SLC39A14: variants seen among roughly 807,000 people sequenced by gnomAD.
The protein encoded by SLC39A14 is metal cation symporter ZIP14.
SLC39A14 carries 19 observed loss-of-function variants against 45.5 expected under a neutral mutation model. The observed-to-expected ratio is 0.42, with a 90% CI of 0.29 to 0.61. The LOEUF (loss-of-function observed/expected upper bound fraction) is 0.61. SLC39A14 is among the 20% of genes least tolerant of loss of function. The pLI is 0.22. For synonymous variants in SLC39A14, 264 were observed against 251.3 expected (o/e 1.05, Z -0.48); for missense variants, 447 against 616.5 (o/e 0.73, Z 2.91).
At chr8:22,418,723 G>T (rs1836039689) in intron 8 of SLC39A14, among the ~76,000 whole-genome samples, 1 of 152,050 alleles carries the variant, frequency 6.6e-6, no homozygotes, top group Admixed American at 6.6e-5. Flanking sequence ...ATAGAATGGG[G>T]TCTCTATGCT....
At chr8:22,398,688 G>C (rs1287415612) in intron 1 of SLC39A14, 1 of 984,286 alleles carries the variant, frequency 1.0e-6, no homozygotes, top group Non-Finnish European at 1.2e-6. Flanking sequence ...TCTGAGAGGG[G>C]AGGTGGGCTT....
At position 22,416,005 on chromosome 8, in the gene SLC39A14, A is replaced by C. The variant is rs200447916; in HGVS notation, c.939+48A>C. ...GGTGGAGCCTCTAAGAGGTTGACTC[A>C]GGCTTACCTTGAGGGCACATGGTCC... On this transcript the variant is annotated intron_variant, in intron 6 of 8. Coordinates refer to ENST00000381237, the MANE Select transcript of SLC39A14 (RefSeq NM_001128431.4). The C allele has an allele frequency of 5.0e-6, 8 of 1,604,304 alleles. No individual in the cohort carries two copies. In the Middle Eastern group the frequency reaches 5.0e-4, roughly 100 times the overall value.
At chr8:22,427,028 C>T (rs1006047142), downstream of SLC39A14, among the ~76,000 whole-genome samples, 4 of 151,698 alleles carry the variant, frequency 2.6e-5, no homozygotes, top group Non-Finnish European at 4.4e-5. Context: ...TGCAGTGGCT[C>T]ATGCCTGTAA....
At chr8:22,405,532 G>A (rs1444075143) in intron 2 of SLC39A14, among the ~76,000 whole-genome samples, 3 of 152,082 alleles carry the variant, frequency 2.0e-5, no homozygotes, top group Non-Finnish European at 4.4e-5. Flanking sequence ...CAAAATAAAA[G>A]GCAGCCTGGA....
chr8:22,423,134 CTT>C (rs1368939025), downstream of SLC39A14, among the ~76,000 whole-genome samples: 3 of 151,406 alleles, frequency 2.0e-5, no homozygotes, highest in Non-Finnish European at 4.4e-5. Flanking sequence ...AAGAAGGAAA[CTT>C]TTGTACTCTC....
chr8:22,395,374 T>A (rs1299062429), intron 1 of SLC39A14, among the ~76,000 whole-genome samples: 1 of 152,224 alleles, frequency 6.6e-6, no homozygotes, highest in African/African-American at 2.4e-5. Flanking sequence ...TTCTCACTGT[T>A]TTTGGTTTAA....
At chr8:22,433,979 C>T (rs978145004) in exon 9 of SLC39A14, 14 of 418,636 alleles carry the variant, frequency 3.3e-5, no homozygotes, top group Non-Finnish European at 5.8e-5. Context: ...AAGCGATTAT[C>T]CTGTCTAAGC....
chr8:22,426,840 T>A (rs987143770), downstream of SLC39A14, among the ~76,000 whole-genome samples: 2 of 152,074 alleles, frequency 1.3e-5, no homozygotes, highest in African/African-American at 4.8e-5. Context: ...TGTGCCGCCA[T>A]GCACAGCTAA....
chr8:22,418,521 A>G (rs949020133), intron 8 of SLC39A14, among the ~76,000 whole-genome samples: 1 of 151,862 alleles, frequency 6.6e-6, no homozygotes, highest in Non-Finnish European at 1.5e-5. Context: ...ATCTCAATGC[A>G]TTGGGTGTGT....
chr8:22,402,061 A>G (rs776564371), intron 1 of SLC39A14, among the ~76,000 whole-genome samples: 5 of 152,046 alleles, frequency 3.3e-5, no homozygotes, highest in Non-Finnish European at 7.4e-5. Flanking sequence ...GGATTTATAT[A>G]TTTTCCTTAT....
intron 3 of SLC39A14, among the ~76,000 whole-genome samples, chr8:22,411,484 T>C (rs1350477206): frequency 2.0e-5 from 3 of 152,252 alleles, no homozygotes; most frequent in African/African-American, 7.2e-5. Flanking sequence ...CTTGGTTGTG[T>C]CTTGCACAAA....
At chr8:22,380,426 A>G (rs1833443484) in intron 1 of SLC39A14, among the ~76,000 whole-genome samples, 1 of 152,136 alleles carries the variant, frequency 6.6e-6, no homozygotes. Flanking sequence ...TGGGGCTAGA[A>G]AGAGGCTGAT....
intron 4 of SLC39A14, among the ~76,000 whole-genome samples, chr8:22,412,969 G>A (rs1009547152): frequency 2.6e-5 from 4 of 152,146 alleles, no homozygotes; most frequent in African/African-American, 9.7e-5. Flanking sequence ...CACATCATCA[G>A]AACCCACAGT....
chr8:22,404,027 C>T (rs914661080), intron 1 of SLC39A14, among the ~76,000 whole-genome samples: 1 of 152,200 alleles, frequency 6.6e-6, no homozygotes, highest in Non-Finnish European at 1.5e-5. Flanking sequence ...ATGTCTCATC[C>T]ACACCCGTGT....
In SLC39A14 at chr8:22,421,859, G is replaced by A. The variant is rs554898646; in HGVS notation, c.*2161G>A. 8.2e-5 allele frequency: 81 copies of A among 985,390 alleles called. 1 individual carries two copies. In the South Asian group the frequency reaches 3.3e-3, roughly 40 times the overall value. 61.0% of individuals were successfully genotyped at this position (985,390 alleles called of 1,614,324 possible). ...TTAACAAATTGAAAAATGAAATAGG[G>A]TGTTTTCCCTTTTTGTGCACACCTA... is the stretch of plus-strand genomic sequence containing the variant. On this transcript the variant is annotated 3_prime_UTR_variant, in exon 9 of 9. Coordinates refer to ENST00000381237, the MANE Select transcript of SLC39A14 (RefSeq NM_001128431.4).
At chr8:22,428,601 C>T (rs1357023745) in intron 8 of SLC39A14, among the ~76,000 whole-genome samples, 5 of 151,742 alleles carry the variant, frequency 3.3e-5, no homozygotes, top group African/African-American at 1.2e-4. Flanking sequence ...TGCCACCACA[C>T]CCACCTAATT....
Position 22,391,815 on chromosome 8 carries a change from G to A in SLC39A14, c.-15-12881G>A, listed in dbSNP as rs369775535. Among the ~76,000 whole-genome samples the A allele has an allele frequency of 2.6e-4, 40 of 152,264 alleles. 1 individual carries two copies. In the South Asian group the frequency reaches 8.1e-3, roughly 31 times the overall value. ...GAACTCCTGACCTCGTGATCCGCCT[G>A]CCTTGGCCTCCCAAAGTGCTGGGAT... On this transcript the variant is annotated intron_variant, in intron 1 of 8. Coordinates refer to ENST00000381237, the MANE Select transcript of SLC39A14 (RefSeq NM_001128431.4).
chr8:22,413,417 A>G (rs1835695451), intron 4 of SLC39A14, among the ~76,000 whole-genome samples: 1 of 152,226 alleles, frequency 6.6e-6, no homozygotes, highest in Admixed American at 6.5e-5. Context: ...TCTGAAGCTC[A>G]ACCCCATGAT....
chr8:22,430,638 A>T (rs1836451870), intron 8 of SLC39A14, among the ~76,000 whole-genome samples: 1 of 152,100 alleles, frequency 6.6e-6, no homozygotes, highest in Non-Finnish European at 1.5e-5. Context: ...CAACAGTCAC[A>T]AGCAGGAAGT....
Sources: allele counts gnomAD v4.1 joint callset (sites outside exome capture counted in the v4.1 genomes callset), GRCh38; gene constraint gnomAD v4.1.1; transcripts MANE v1.5; gene names NCBI Gene and HGNC (gene_info 2026-07-23, HGNC 2026-07-21).